The following FAM78B variants were observed in gnomAD, a reference collection of about 807,000 sequenced individuals.
The protein encoded by FAM78B is family with sequence similarity 78 member B, also known as protein FAM78B.
Under a neutral mutation model 20.0 loss-of-function variants are expected in FAM78B, and 10 were observed. That is an observed-to-expected ratio of 0.50 (90% CI 0.31 to 0.85). The LOEUF (loss-of-function observed/expected upper bound fraction) is 0.85, where lower values mean the gene tolerates loss of function less well. Among genes scored for constraint, FAM78B ranks in the 40% least tolerant of loss-of-function variants. The probability of loss-of-function intolerance (pLI) is 0.05; values close to 1 mark genes in which losing one functional copy is unlikely to be tolerated. For missense variants in FAM78B, 283 were observed against 345.0 expected (o/e 0.82, Z 1.42); for synonymous variants, 135 against 132.8 (o/e 1.02, Z -0.12).
At chr1:166,113,036 C>G (rs1321207056) in intron 1 of FAM78B, among the ~76,000 whole-genome samples, 2 of 152,174 alleles carry the variant, frequency 1.3e-5, no homozygotes, top group Non-Finnish European at 2.9e-5. Flanking sequence ...AATAAAAATA[C>G]AGAAACTTAT....
intron 1 of FAM78B, among the ~76,000 whole-genome samples, chr1:166,073,855 C>T (rs1005988352): frequency 2.0e-4 from 31 of 152,178 alleles, no homozygotes; most frequent in African/African-American, 7.0e-4. Flanking sequence ...ATCTTTGGCT[C>T]TTTCCACACC....
chr1:166,132,027 T>C (rs1005452087), intron 1 of FAM78B, among the ~76,000 whole-genome samples: 4 of 152,174 alleles, frequency 2.6e-5, no homozygotes, highest in Non-Finnish European at 5.9e-5. Flanking sequence ...AGGAAGGCCA[T>C]ATAAAAGGCA....
chr1:166,094,394 T>C (rs924412835), intron 1 of FAM78B, among the ~76,000 whole-genome samples: 1 of 152,170 alleles, frequency 6.6e-6, no homozygotes, highest in Non-Finnish European at 1.5e-5. Flanking sequence ...TCTCATGCCA[T>C]GGCGGGGCTC....
chr1:166,164,703 A>T (rs1656290963), intron 1 of FAM78B: 1 of 152,210 alleles, frequency 6.6e-6, no homozygotes, highest in Non-Finnish European at 1.5e-5. Flanking sequence ...GAGTGCAATA[A>T]AAAGCCTGCA....
Position 166,166,472 on chromosome 1 carries a change from C to T in FAM78B, c.-224G>A, listed in dbSNP as rs1175476700. On this transcript the variant is annotated 5_prime_UTR_variant, in exon 1 of 2. Transcript: ENST00000354422. ...CGACGTCCGCCCACGCCCGCCCCCTCGCTCCGGCAGGGCGCGCGGAGGGTG... is the reference window on the plus strand; with the variant it reads ...CGACGTCCGCCCACGCCCGCCCCCTTGCTCCGGCAGGGCGCGCGGAGGGTG... 3 of 192,604 alleles carry T rather than the reference C, an allele frequency of 1.6e-5. No individual in the cohort carries two copies. Among genetic ancestry groups the T allele is most frequent in the Non-Finnish European group, 2.9e-5 (3 of 103,748 alleles). The allele number at this position is 192,604 out of a possible 1,614,324, so 11.9% of individuals were successfully genotyped here.
At chr1:166,074,258 C>T (rs776481005) in intron 1 of FAM78B, among the ~76,000 whole-genome samples, 1 of 152,184 alleles carries the variant, frequency 6.6e-6, no homozygotes, top group African/African-American at 2.4e-5. Context: ...TTTCTCACCT[C>T]CACTGCTGTG....
chr1:166,156,631 T>C (rs1655907314), intron 1 of FAM78B, among the ~76,000 whole-genome samples: 1 of 152,186 alleles, frequency 6.6e-6, no homozygotes, highest in African/African-American at 2.4e-5. Context: ...AGAGGTCCCC[T>C]TATAAAGAAA....
intron 1 of FAM78B, among the ~76,000 whole-genome samples, chr1:166,163,080 T>A (rs139780591): frequency 0.01 from 1,569 of 152,294 alleles, 33 homozygotes; most frequent in African/African-American, 0.036. Flanking sequence ...TATTCCTTTT[T>A]CTTTGGTGCT....
chr1:166,070,518 G>C lies in FAM78B; in HGVS notation c.509C>G (p.Thr170Arg). 6.2e-7 allele frequency: 1 copy of C among 1,614,082 alleles called. No homozygotes were observed. Among genetic ancestry groups the C allele is most frequent in the South Asian group, 1.1e-5 (1 of 91,084 alleles). The part of the protein sequence containing the change: ...LTRIKRDQSF[T>R]TWLVAMNTTT... ...GGTGTTCATGGCCACCAGCCAGGTC[G>C]TGAAACTTTGGTCTCTCTTGATTCT... The change falls in exon 2 of 2, where the codon ACG (threonine) becomes AGG (arginine). Residue 170 changes from threonine (T) to arginine (R), a missense_variant. Thr to Arg is a moderately conservative substitution (Grantham distance 71, BLOSUM62 -1). Coordinates refer to ENST00000354422, the MANE Select transcript of FAM78B (RefSeq NM_001017961.5).
At chr1:166,104,538 C>A (rs1436730492) in intron 1 of FAM78B, among the ~76,000 whole-genome samples, 5 of 151,974 alleles carry the variant, frequency 3.3e-5, no homozygotes, top group Non-Finnish European at 7.4e-5. Context: ...GCAAAAATCA[C>A]AAGCATTCTT....
intron 1 of FAM78B, among the ~76,000 whole-genome samples, chr1:166,119,432 C>G (rs987811793): frequency 1.8e-4 from 27 of 152,244 alleles, no homozygotes; most frequent in African/African-American, 5.5e-4. Context: ...CCTATCTACC[C>G]ACAATCACAT....
At chr1:166,154,811 C>T in intron 1 of FAM78B, 1 of 478,478 alleles carries the variant, frequency 2.1e-6, no homozygotes, top group South Asian at 1.5e-5. Context: ...TGGCACTGCC[C>T]TTTTCTGGGC....
intron 1 of FAM78B, among the ~76,000 whole-genome samples, chr1:166,090,171 C>T (rs996653287): frequency 9.9e-5 from 15 of 152,200 alleles, no homozygotes; most frequent in African/African-American, 3.6e-4. Context: ...CCAGTGTCTA[C>T]TTTCTGGCCC....
At chr1:166,133,611 AAAG>A (rs1210255598) in intron 1 of FAM78B, among the ~76,000 whole-genome samples, 1 of 151,704 alleles carries the variant, frequency 6.6e-6, no homozygotes, top group Non-Finnish European at 1.5e-5. Context: ...TAAAAAAAAA[AAAG>A]AACCGTAAAT....
rs187291761 is a variant in FAM78B at position 166,111,625 on chromosome 1, A to G, written c.264-40862T>C. Among the ~76,000 whole-genome samples the G allele has an allele frequency of 3.0e-3, 460 of 152,278 alleles. 1 individual carries two copies. The highest frequency in any genetic ancestry group is 6.8e-3 in the Middle Eastern group (2 of 294). On this transcript the variant is annotated intron_variant, in intron 1 of 1. Transcript: ENST00000354422. ...TCACCTGAAGTGGGGGAAAAGTCAAACTCCCAAGGTCAAAGTCTACGTCTT... is the reference window on the plus strand; with the variant it reads ...TCACCTGAAGTGGGGGAAAAGTCAAGCTCCCAAGGTCAAAGTCTACGTCTT...
intron 1 of FAM78B, among the ~76,000 whole-genome samples, chr1:166,163,278 T>C (rs1656227787): frequency 6.6e-6 from 1 of 152,220 alleles, no homozygotes; most frequent in Non-Finnish European, 1.5e-5. Context: ...CTGGTTTCTA[T>C]AGAATCATTC....
chr1:166,113,141 TGAG>T (rs1344528106), intron 1 of FAM78B, among the ~76,000 whole-genome samples: 1 of 152,098 alleles, frequency 6.6e-6, no homozygotes, highest in Non-Finnish European at 1.5e-5. Flanking sequence ...CTGGTCAAGG[TGAG>T]GAGGTGAGCA....
intron 1 of FAM78B, among the ~76,000 whole-genome samples, chr1:166,114,492 G>T (rs984557439): frequency 2.6e-5 from 4 of 152,162 alleles, no homozygotes; most frequent in African/African-American, 9.7e-5. Context: ...CCCCAGGAAG[G>T]GGTTTATAAT....
chr1:166,133,599 C>T (rs1188018058), intron 1 of FAM78B, among the ~76,000 whole-genome samples: 1 of 50,950 alleles, frequency 2.0e-5, no homozygotes, highest in African/African-American at 7.9e-5. Flanking sequence ...GTTGAGCAAT[C>T]TTAAAAAAAA....
Sources: gnomAD v4.1 joint callset for allele counts (sites outside exome capture counted in the v4.1 genomes callset) on GRCh38, gnomAD v4.1.1 for gene constraint, MANE v1.5 for transcripts, NCBI Gene and HGNC (gene_info 2026-07-23, HGNC 2026-07-21) for gene names.